Variants in GOT1 observed in about 807,000 individuals in gnomAD.
GOT1 encodes the protein aspartate aminotransferase, cytoplasmic.
Under a neutral mutation model 48.2 loss-of-function variants are expected in GOT1, and 25 were observed. The ratio of observed to expected loss-of-function variants is 0.52; its 90% CI spans 0.38 to 0.72. The LOEUF is 0.72. Ranked by LOEUF, GOT1 falls within the 30% of genes least tolerant of loss-of-function variation. The probability of loss-of-function intolerance (pLI) is 0.00; values close to 1 mark genes in which losing one functional copy is unlikely to be tolerated. For synonymous variants in GOT1, 188 were observed against 193.8 expected, an observed-to-expected ratio of 0.97 and a Z score of 0.25; for missense variants, 380 against 520.1, an observed-to-expected ratio of 0.73 and a Z score of 2.62.
chr10:99,425,757 A>C (rs1482427119), intron 1 of GOT1, among the ~76,000 whole-genome samples: 1 of 152,088 alleles, frequency 6.6e-6, no homozygotes, highest in Non-Finnish European at 1.5e-5. Flanking sequence ...GGAAGATAGA[A>C]GAAAAGATCA....
chr10:99,406,091 T>G (rs1368827197), intron 4 of GOT1, 46 bp downstream of exon 4: 1 of 1,303,546 alleles, frequency 7.7e-7, no homozygotes, highest in Non-Finnish European at 1.1e-6. Flanking sequence ...TTGCCTGAGA[T>G]TCCTGACACC....
chr10:99,415,054 A>G (rs1466818152), intron 2 of GOT1, among the ~76,000 whole-genome samples: 1 of 152,254 alleles, frequency 6.6e-6, no homozygotes, highest in East Asian at 1.9e-4. Context: ...GAGCAAACAC[A>G]TTCAAAAGCT....
chr10:99,420,920 A>C, intron 1 of GOT1, 115 bp from the exon 2 acceptor site: 1 of 837,524 alleles, frequency 1.2e-6, no homozygotes. Flanking sequence ...AGAACAGTGA[A>C]GGAAATTGGA....
At chr10:99,411,857 G>A (rs1037424418) in intron 2 of GOT1, among the ~76,000 whole-genome samples, 1 of 152,114 alleles carries the variant, frequency 6.6e-6, no homozygotes, top group African/African-American at 2.4e-5. Context: ...AAATCTGCAA[G>A]GTAAATAAGC....
chr10:99,416,566 T>C (rs141856594), intron 2 of GOT1, among the ~76,000 whole-genome samples: 3,278 of 152,320 alleles, frequency 0.022, 128 homozygotes, highest in African/African-American at 0.074. Context: ...TACCAATGAC[T>C]TTCTTCACGG....
chr10:99,426,361 T>A (rs2033037832), intron 1 of GOT1, among the ~76,000 whole-genome samples: 1 of 152,154 alleles, frequency 6.6e-6, no homozygotes, highest in African/African-American at 2.4e-5. Context: ...ATCACCCTCA[T>A]CTTCCTCCTA....
intron 1 of GOT1, among the ~76,000 whole-genome samples, chr10:99,425,355 A>T (rs1024658776): frequency 2.0e-5 from 3 of 152,216 alleles, no homozygotes; most frequent in African/African-American, 7.2e-5. Context: ...TTCAGTTTCA[A>T]TGGGTAACCA....
intron 4 of GOT1, 33 bp downstream of exon 4, chr10:99,406,104 G>C (rs1357119015): frequency 7.2e-7 from 1 of 1,379,664 alleles, no homozygotes; most frequent in Admixed American, 1.7e-5. Flanking sequence ...CTGACACCAT[G>C]CAATTCTCTA....
At chr10:99,401,570 G>A (rs1272456844) in intron 8 of GOT1, among the ~76,000 whole-genome samples, 2 of 151,904 alleles carry the variant, frequency 1.3e-5, no homozygotes, top group Non-Finnish European at 2.9e-5. Flanking sequence ...GGGAGGCTGA[G>A]GCAGGAGAAT....
chr10:99,402,713 A>G lies in GOT1; in HGVS notation c.969T>C (p.Asn323=), dbSNP rs1413122499. The change falls in exon 8 of 9, where the codon AAT becomes AAC. Residue 323 remains asparagine (N), a synonymous_variant. Coordinates refer to ENST00000370508, the MANE Select transcript of GOT1 (RefSeq NM_002079.3). ...NPELFEEWTG[N]VKTMADRILT... Reference sequence around the variant, plus strand: ...GAATCCGGTCAGCCATTGTCTTCACATTACCTGTCCTGAAGCATGGACAGT... The same window carrying G: ...GAATCCGGTCAGCCATTGTCTTCACGTTACCTGTCCTGAAGCATGGACAGT... The G allele has an allele frequency of 1.2e-5, 19 of 1,613,778 alleles. No homozygotes were observed. Among genetic ancestry groups the G allele is most frequent in the Non-Finnish European group, 1.4e-5 (17 of 1,179,756 alleles).
Position 99,397,248 on chromosome 10 carries a change from A to C in GOT1, c.*299T>G. 3.1e-6 allele frequency: 1 copy of C among 317,486 alleles called. No homozygotes were observed. Among genetic ancestry groups the C allele is most frequent in the Non-Finnish European group, 6.0e-6 (1 of 167,584 alleles). The allele number at this position is 317,486 out of a possible 1,614,324, so 19.7% of individuals were successfully genotyped here. A position where few individuals can be genotyped will look rare whatever the true frequency, so the allele number is the denominator to read the frequency against. On this transcript the variant is annotated 3_prime_UTR_variant, in exon 9 of 9. Transcript: ENST00000370508. This position sits in a 1 kb window ranked among gnomAD's most constrained non-coding sequence, Gnocchi z 5.4. ...ATAGAAGCACGTGGCCGCCACACAC[A>C]ACACTCCTTTTTAGTGAGAGGGACA...
In GOT1 at chr10:99,414,532, GA is replaced by G. The variant is rs1589939928; in HGVS notation, c.300+6091del. Among the ~76,000 whole-genome samples the G allele has an allele frequency of 3.3e-5, 5 of 152,086 alleles. No individual in the cohort carries two copies. The East Asian group carries it at 9.7e-4, about 29-fold the overall frequency. On this transcript the variant is annotated intron_variant, in intron 2 of 8. Coordinates refer to ENST00000370508, the MANE Select transcript of GOT1 (RefSeq NM_002079.3). Reference sequence around the variant, plus strand: ...CACTGTCAACATTAGACAGATCAATGAAGACAGAAAGTTAACAAGGATATCC... The same window carrying G: ...CACTGTCAACATTAGACAGATCAATGAGACAGAAAGTTAACAAGGATATCC...
intron 2 of GOT1, among the ~76,000 whole-genome samples, chr10:99,412,716 C>T (rs2032843129): frequency 6.6e-6 from 1 of 152,152 alleles, no homozygotes; most frequent in African/African-American, 2.4e-5. Flanking sequence ...AGACTGATAC[C>T]TCACATGGCC....
intron 2 of GOT1, among the ~76,000 whole-genome samples, chr10:99,412,691 C>T (rs144011844): frequency 3.9e-5 from 6 of 152,126 alleles, no homozygotes; most frequent in Admixed American, 3.3e-4. Flanking sequence ...CTGGGAGGCA[C>T]CCCCCAGTAG....
rs572576302 is a variant in GOT1 at position 99,417,855 on chromosome 10, G to T, written c.300+2769C>A. Among the ~76,000 whole-genome samples, 3 of 152,202 alleles carry T rather than the reference G, an allele frequency of 2.0e-5. No individual in the cohort carries two copies. In the East Asian group the frequency reaches 5.8e-4, roughly 29 times the overall value. On this transcript the variant is annotated intron_variant, in intron 2 of 8. Transcript: ENST00000370508. ...CTCATAGGTGGGAATTGAACAATGA[G>T]AACACTTGGACACAGGAAGGAGAAC...
chr10:99,397,795 G>T lies in GOT1; in HGVS notation c.1103-109C>A. 9.4e-7 allele frequency: 1 copy of T among 1,069,502 alleles called. No homozygotes were observed. The highest frequency in any genetic ancestry group is 1.4e-6 in the Non-Finnish European group (1 of 731,790). 66.3% of individuals were successfully genotyped at this position (1,069,502 alleles called of 1,614,324 possible). Reference sequence around the variant, plus strand: ...GCTTTACTTCTTTCCCCTTAACAGAGAGAAGCAAAACAAAAGGCGCTATTT... The same window carrying T: ...GCTTTACTTCTTTCCCCTTAACAGATAGAAGCAAAACAAAAGGCGCTATTT... On this transcript the variant is annotated intron_variant, in intron 8 of 8. Transcript: ENST00000370508. The surrounding 1 kb of genome is among the most constrained non-coding windows in gnomAD (Gnocchi z 5.4).
intron 2 of GOT1, among the ~76,000 whole-genome samples, chr10:99,409,801 T>A (rs2134100954): frequency 6.6e-6 from 1 of 152,250 alleles, no homozygotes; most frequent in South Asian, 2.1e-4. Flanking sequence ...CTGAAAAAAA[T>A]TCATTTAACC....
chr10:99,406,934 T>A, intron 2 of GOT1, 85 bp from the exon 3 acceptor site: 1 of 1,260,954 alleles, frequency 7.9e-7, no homozygotes, highest in Non-Finnish European at 1.2e-6. Flanking sequence ...GAGCACTTAC[T>A]CTATGCCTGC....
intron 8 of GOT1, among the ~76,000 whole-genome samples, chr10:99,400,268 A>T (rs1218128152): frequency 6.6e-6 from 1 of 152,252 alleles, no homozygotes; most frequent in South Asian, 2.1e-4. Flanking sequence ...TAACAAAGGA[A>T]GTATTGTAAT....
Sources: gnomAD v4.1 joint callset for allele counts (sites outside exome capture counted in the v4.1 genomes callset) on GRCh38, gnomAD v4.1.1 for gene constraint, Gnocchi (gnomAD v3.1) non-coding constraint, MANE v1.5 for transcripts, NCBI Gene and HGNC (gene_info 2026-07-23, HGNC 2026-07-21) for gene names.